FAM53B: variants seen among roughly 807,000 people sequenced by gnomAD.
FAM53B encodes protein FAM53B.
FAM53B carries 12 observed loss-of-function variants against 32.7 expected under a neutral mutation model. That is an observed-to-expected ratio of 0.37 (90% CI 0.24 to 0.59). The LOEUF (loss-of-function observed/expected upper bound fraction) is 0.59. FAM53B is among the 20% of genes least tolerant of loss of function. The probability of loss-of-function intolerance (pLI) is 0.72; values close to 1 mark genes in which losing one functional copy is unlikely to be tolerated. For synonymous variants in FAM53B, 234 were observed against 228.7 expected (o/e 1.02, Z -0.21); for missense variants, 477 against 577.7 (o/e 0.83, Z 1.79).
At chr10:124,735,827 G>A (rs1278040030) in intron 1 of FAM53B, among the ~76,000 whole-genome samples, 1 of 152,248 alleles carries the variant, frequency 6.6e-6, no homozygotes, top group African/African-American at 2.4e-5. Flanking sequence ...AAGGAATGGG[G>A]GCCAGAGAGA....
At chr10:124,743,904 A>G (rs981944936) in intron 1 of FAM53B, 109 bp downstream of exon 1, 1 of 150,344 alleles carries the variant, frequency 6.7e-6, no homozygotes, top group Non-Finnish European at 1.5e-5. Context: ...CCCATTGCGC[A>G]CGCGAGCCGG....
chr10:124,682,263 C>G lies in FAM53B; in HGVS notation c.250G>C (p.Val84Leu). The G allele has an allele frequency of 6.2e-7, 1 of 1,614,096 alleles. No individual in the cohort carries two copies. Among genetic ancestry groups the G allele is most frequent in the Non-Finnish European group, 8.5e-7 (1 of 1,180,000 alleles). ...AGACTGGTCACAGCGCAGGCGGTCACTGCCTCCCGGTGCCATAGTGAGCTG... is the reference window on the plus strand; with the variant it reads ...AGACTGGTCACAGCGCAGGCGGTCAGTGCCTCCCGGTGCCATAGTGAGCTG... The part of the protein sequence containing the change: ...KDSSLWHREA[V>L]TACAVTSLIK... The change falls in exon 4 of 5, where the codon GTG becomes CTG. Residue 84 changes from valine (V) to leucine (L), a missense_variant. This residue lies in a region of FAM53B where 312 missense variants were observed against 420.2 expected (regional missense o/e 0.74). Transcript: ENST00000337318. This position sits in a 1 kb window ranked among gnomAD's most constrained non-coding sequence, Gnocchi z 5.2.
At chr10:124,743,383 C>G (rs1168403927) in intron 1 of FAM53B, among the ~76,000 whole-genome samples, 1 of 152,198 alleles carries the variant, frequency 6.6e-6, no homozygotes, top group African/African-American at 2.4e-5. Flanking sequence ...CGCGGACGCC[C>G]CCACTCCGCA....
At chr10:124,741,500 C>A (rs1204042587) in intron 1 of FAM53B, among the ~76,000 whole-genome samples, 1 of 152,182 alleles carries the variant, frequency 6.6e-6, no homozygotes, top group East Asian at 1.9e-4. Context: ...TTAAACACAG[C>A]TCTCTCCTCT....
intron 1 of FAM53B, among the ~76,000 whole-genome samples, chr10:124,717,412 A>T (rs1352704053): frequency 6.6e-6 from 1 of 152,260 alleles, no homozygotes; most frequent in Non-Finnish European, 1.5e-5. Context: ...AAGAAAGGAC[A>T]GTAAGCTGAT....
intron 4 of FAM53B, among the ~76,000 whole-genome samples, chr10:124,661,106 C>T (rs924352198): frequency 8.0e-5 from 12 of 149,144 alleles, no homozygotes; most frequent in Non-Finnish European, 1.3e-4. Context: ...GGCCTGTGGG[C>T]TATGGTGTGC....
At chr10:124,723,162 A>G (rs1950079990) in intron 1 of FAM53B, among the ~76,000 whole-genome samples, 1 of 152,162 alleles carries the variant, frequency 6.6e-6, no homozygotes, top group Admixed American at 6.5e-5. Context: ...GCAAGCTGCC[A>G]CCCCTACAGA....
At chr10:124,743,527 G>A (rs1950212490) in intron 1 of FAM53B, among the ~76,000 whole-genome samples, 1 of 152,194 alleles carries the variant, frequency 6.6e-6, no homozygotes, top group Admixed American at 6.5e-5. Context: ...GGGGTGGCGG[G>A]TGCAAACTTC....
chr10:124,729,137 A>T (rs1467698845), intron 1 of FAM53B, among the ~76,000 whole-genome samples: 1 of 152,252 alleles, frequency 6.6e-6, no homozygotes, highest in Non-Finnish European at 1.5e-5. Flanking sequence ...TTCCATTATA[A>T]AGGTATTTGT....
rs1223826531 is a variant in FAM53B at position 124,736,076 on chromosome 10, T to G, written c.-175+7937A>C. Among the ~76,000 whole-genome samples, 3 of 152,258 alleles carry G rather than the reference T, an allele frequency of 2.0e-5. No individual in the cohort carries two copies. The East Asian group carries it at 5.8e-4, about 29-fold the overall frequency. On this transcript the variant is annotated intron_variant, in intron 1 of 4. Coordinates refer to ENST00000337318, the MANE Select transcript of FAM53B (RefSeq NM_014661.4). ...TGGGCTTTGCAGCAGAACCCCTGCC[T>G]GCCCAGTCACACTCATCTCCTACCT...
intron 1 of FAM53B, among the ~76,000 whole-genome samples, chr10:124,737,882 G>C (rs1427567887): frequency 7.2e-5 from 11 of 152,130 alleles, no homozygotes; most frequent in African/African-American, 2.7e-4. Flanking sequence ...TCCCCAGAAA[G>C]AACAAGACCA....
chr10:124,634,726 T>C (rs1006862584), intron 4 of FAM53B, among the ~76,000 whole-genome samples: 6 of 152,186 alleles, frequency 3.9e-5, no homozygotes, highest in African/African-American at 1.4e-4. Context: ...AATACACCCA[T>C]GGAGACAGAA....
intron 1 of FAM53B, among the ~76,000 whole-genome samples, chr10:124,717,743 T>C (rs1950045953): frequency 6.6e-6 from 1 of 152,170 alleles, no homozygotes; most frequent in Non-Finnish European, 1.5e-5. Flanking sequence ...CATCTTGGTG[T>C]CTTTCAGTGA....
At chr10:124,656,135 G>C (rs1949587782) in intron 4 of FAM53B, among the ~76,000 whole-genome samples, 1 of 152,242 alleles carries the variant, frequency 6.6e-6, no homozygotes, top group African/African-American at 2.4e-5. Context: ...TCCTTTATGA[G>C]TACAAAGGAA....
At chr10:124,707,088 C>T (rs1949965155) in intron 1 of FAM53B, among the ~76,000 whole-genome samples, 1 of 152,170 alleles carries the variant, frequency 6.6e-6, no homozygotes, top group South Asian at 2.1e-4. Context: ...CAGCCTTGGG[C>T]TGCCTCACTT....
intron 1 of FAM53B, among the ~76,000 whole-genome samples, chr10:124,737,349 C>T (rs1950178793): frequency 1.3e-5 from 2 of 152,166 alleles, no homozygotes; most frequent in Admixed American, 6.5e-5. Flanking sequence ...TCAGCAAGCT[C>T]ACCTTTACAA....
At chr10:124,740,252 A>G (rs1950192859) in intron 1 of FAM53B, among the ~76,000 whole-genome samples, 1 of 152,184 alleles carries the variant, frequency 6.6e-6, no homozygotes, top group Admixed American at 6.5e-5. Context: ...CACAACCCGC[A>G]ATACACGAAG....
intron 4 of FAM53B, among the ~76,000 whole-genome samples, chr10:124,656,987 AC>A (rs1265324708): frequency 1.3e-5 from 2 of 151,548 alleles, no homozygotes; most frequent in Non-Finnish European, 2.9e-5. Flanking sequence ...ATGTATACAT[AC>A]GTAACAAACC....
chr10:124,648,013 G>C (rs565590031), intron 4 of FAM53B, among the ~76,000 whole-genome samples: 1 of 152,314 alleles, frequency 6.6e-6, no homozygotes, highest in East Asian at 1.9e-4. Context: ...AAATGCACTG[G>C]GGACGCCATG....
Sources: gnomAD v4.1 joint callset for allele counts (sites outside exome capture counted in the v4.1 genomes callset) on GRCh38, gnomAD v4.1.1 for gene constraint, gnomAD v4.1.1 regional missense constraint, Gnocchi (gnomAD v3.1) non-coding constraint, MANE v1.5 for transcripts, NCBI Gene and HGNC (gene_info 2026-07-23, HGNC 2026-07-21) for gene names.